TTC39B: variants seen among roughly 807,000 people sequenced by gnomAD.
TTC39B encodes the protein tetratricopeptide repeat domain 39B.
A neutral mutation model predicts 96.6 loss-of-function variants in TTC39B; 92 were observed. The observed-to-expected ratio is 0.95, with a 90% CI of 0.80 to 1.13. The LOEUF is 1.13. TTC39B is among the 50% of genes most tolerant of loss of function. The pLI is 0.00. For synonymous variants in TTC39B, 367 were observed against 299.4 expected, an observed-to-expected ratio of 1.23 and a Z score of -2.33; for missense variants, 955 against 809.3, an observed-to-expected ratio of 1.18 and a Z score of -2.18.
intron 8 of TTC39B, among the ~76,000 whole-genome samples, chr9:15,196,411 A>G (rs564374368): frequency 6.6e-6 from 1 of 152,362 alleles, no homozygotes; most frequent in African/African-American, 2.4e-5. Flanking sequence ...TTCGTGATTC[A>G]TGGAAGGAAG....
intron 1 of TTC39B, among the ~76,000 whole-genome samples, chr9:15,292,700 T>C (rs967149062): frequency 5.9e-5 from 9 of 152,184 alleles, no homozygotes; most frequent in Non-Finnish European, 4.4e-5. Flanking sequence ...TCTGTGTGTT[T>C]ATGTCTTAGT....
chr9:15,170,629 C>T (rs1281482915), exon 20 of TTC39B: 9 of 152,158 alleles, frequency 5.9e-5, no homozygotes, highest in African/African-American at 1.7e-4. Flanking sequence ...GAACTATTAA[C>T]CCACAGAGAT....
chr9:15,182,264 G>C lies in TTC39B; in HGVS notation c.1723+43C>G, dbSNP rs2118624447. On this transcript the variant is annotated intron_variant, in intron 17 of 19. Transcript: ENST00000512701. ...GGGAAAAGACAGGAGAGCAGTCATG[G>C]AGCAGAGACAAAGGCTCCTCGGTGC... is the stretch of plus-strand genomic sequence containing the variant. 3 of 1,274,570 alleles carry C rather than the reference G, an allele frequency of 2.4e-6. No individual in the cohort carries two copies. The South Asian group carries it at 3.9e-5, about 17-fold the overall frequency. The allele number at this position is 1,274,570 out of a possible 1,614,324, so 79.0% of individuals were successfully genotyped here. A position where few individuals can be genotyped will look rare whatever the true frequency, so the allele number is the denominator to read the frequency against.
At chr9:15,285,060 G>C (rs1347137708) in intron 1 of TTC39B, among the ~76,000 whole-genome samples, 2 of 152,074 alleles carry the variant, frequency 1.3e-5, no homozygotes, top group Non-Finnish European at 2.9e-5. Flanking sequence ...AGGAAATCGA[G>C]ACCATCCTGG....
chr9:15,248,180 G>C (rs663334), intron 2 of TTC39B, among the ~76,000 whole-genome samples: 4,462 of 152,222 alleles, frequency 0.029, 231 homozygotes, highest in African/African-American at 0.1. Context: ...ATTGATGACA[G>C]AACATTCTAA....
rs16932868 is a variant in TTC39B, at chr9:15,258,626, G to C, written c.275+9288C>G. On this transcript the variant is annotated intron_variant, in intron 2 of 19. Transcript: ENST00000512701. Reference sequence around the variant, plus strand: ...TGTAAGAGCAAAGTCCTGGCTTTCAGACACAAGCTGAGCATTGCTACCAGG... The same window carrying C: ...TGTAAGAGCAAAGTCCTGGCTTTCACACACAAGCTGAGCATTGCTACCAGG... 7.0e-3 allele frequency among the ~76,000 whole-genome samples: 1,059 copies of C among 152,290 alleles called. 20 individuals are homozygous for C. Among genetic ancestry groups the C allele is most frequent in the African/African-American group, 0.024 (993 of 41,560 alleles).
chr9:15,226,990 T>C (rs747641788), intron 2 of TTC39B, among the ~76,000 whole-genome samples: 6 of 152,116 alleles, frequency 3.9e-5, no homozygotes, highest in Non-Finnish European at 7.4e-5. Context: ...TGGTTGTTTT[T>C]TGTTTTTGTT....
At chr9:15,285,580 A>C (rs553465065) in intron 1 of TTC39B, among the ~76,000 whole-genome samples, 19 of 152,238 alleles carry the variant, frequency 1.2e-4, no homozygotes, top group Middle Eastern at 3.4e-3. Context: ...ACAGGCCGGG[A>C]GCGGTGGCTC....
At chr9:15,244,345 A>C (rs1020769840) in intron 2 of TTC39B, among the ~76,000 whole-genome samples, 3 of 152,226 alleles carry the variant, frequency 2.0e-5, no homozygotes, top group Admixed American at 2.0e-4. Context: ...ATAGCAGACC[A>C]CTGTGTTCCT....
chr9:15,264,182 C>T (rs1586977157), intron 2 of TTC39B, among the ~76,000 whole-genome samples: 1 of 152,078 alleles, frequency 6.6e-6, no homozygotes, highest in Non-Finnish European at 1.5e-5. Flanking sequence ...CAATGCTTCT[C>T]GAATTCCCCA....
intron 6 of TTC39B, among the ~76,000 whole-genome samples, chr9:15,209,715 A>C (rs1470269408): frequency 6.6e-6 from 1 of 152,224 alleles, no homozygotes; most frequent in African/African-American, 2.4e-5. Context: ...AAGCCAAGTA[A>C]AGTACAGTAT....
At chr9:15,269,569 C>A (rs1157568312) in intron 1 of TTC39B, among the ~76,000 whole-genome samples, 1 of 152,092 alleles carries the variant, frequency 6.6e-6, no homozygotes, top group African/African-American at 2.4e-5. Flanking sequence ...AAAAGAAGAA[C>A]CTGGCCAGGC....
intron 11 of TTC39B, 64 bp downstream of exon 11, chr9:15,190,490 T>C: frequency 6.8e-7 from 1 of 1,462,566 alleles, no homozygotes; most frequent in Non-Finnish European, 9.6e-7. Flanking sequence ...GGATTACAGG[T>C]GTAACACACC....
At chr9:15,204,784 A>C (rs1207338659) in intron 6 of TTC39B, among the ~76,000 whole-genome samples, 2 of 152,130 alleles carry the variant, frequency 1.3e-5, no homozygotes, top group Non-Finnish European at 2.9e-5. Context: ...TTTCAGGCTA[A>C]TTTGATCATG....
In TTC39B at chr9:15,185,381, T is replaced by C. The variant is rs371894487; in HGVS notation, c.1513A>G (p.Ile505Val). 1.9e-6 allele frequency: 3 copies of C among 1,613,714 alleles called. No individual in the cohort carries two copies. The South Asian group carries it at 3.3e-5, about 18-fold the overall frequency. ...TCAGTAGGGATAGATTTCCCGGCAA[T>C]TCTCTGCTTCAAGCTGTCCACCTGT... Residue 505 changes from isoleucine (I) to valine (V), a missense_variant, in exon 16 of 20, where the codon ATT becomes GTT. Physicochemically the swap from Ile to Val is conservative, Grantham distance 29. Transcript: ENST00000512701.
chr9:15,203,833 G>GT lies in TTC39B; in HGVS notation c.748dup (p.Thr250AsnfsTer6), dbSNP rs771553495. 1.9e-5 allele frequency: 30 copies of GT among 1,612,376 alleles called. No homozygotes were observed. The highest frequency in any genetic ancestry group is 2.5e-5 in the Non-Finnish European group (29 of 1,179,188). On this transcript the variant is annotated frameshift_variant, in exon 7 of 20. Transcript: ENST00000512701. LOFTEE classifies it high-confidence loss of function. ...CCAAATATTCATTACCTGCACAAAC[G>GT]TGAGTGCAGCTTTCTGTAGGAGACA...
intron 1 of TTC39B, among the ~76,000 whole-genome samples, chr9:15,305,448 T>C (rs1024986812): frequency 3.3e-5 from 5 of 152,166 alleles, no homozygotes; most frequent in Middle Eastern, 3.2e-3. Flanking sequence ...GCTCATCAAC[T>C]AGGACTAGTA....
At chr9:15,205,742 C>G (rs1819808439) in intron 6 of TTC39B, among the ~76,000 whole-genome samples, 1 of 151,906 alleles carries the variant, frequency 6.6e-6, no homozygotes, top group African/African-American at 2.4e-5. Flanking sequence ...GAATTATGAG[C>G]TATGAAAGTC....
At chr9:15,186,256 T>G (rs762549885) in intron 15 of TTC39B, among the ~76,000 whole-genome samples, 13 of 152,208 alleles carry the variant, frequency 8.5e-5, no homozygotes, top group Non-Finnish European at 1.8e-4. Context: ...TAAACTACAG[T>G]GTCTCATCAT....
Sources: allele counts gnomAD v4.1 joint callset (sites outside exome capture counted in the v4.1 genomes callset), GRCh38; gene constraint gnomAD v4.1.1; transcripts MANE v1.5; gene names NCBI Gene and HGNC (gene_info 2026-07-23, HGNC 2026-07-21).